Variants in NCAM2 observed in about 807,000 individuals in gnomAD.
NCAM2 encodes the protein neural cell adhesion molecule 2.
NCAM2 carries 30 observed loss-of-function variants against 98.1 expected under a neutral mutation model. The ratio of observed to expected loss-of-function variants is 0.31; its 90% CI spans 0.23 to 0.41. The LOEUF is 0.41. Ranked by LOEUF, NCAM2 falls within the 10% of genes least tolerant of loss-of-function variation. NCAM2 has a pLI of 1.00. For missense variants in NCAM2, 867 were observed against 1,005.8 expected, an observed-to-expected ratio of 0.86 and a Z score of 1.87; for synonymous variants, 368 against 342.4, an observed-to-expected ratio of 1.07 and a Z score of -0.83.
intron 1 of NCAM2, among the ~76,000 whole-genome samples, chr21:21,199,685 G>T (rs569843507): frequency 6.6e-6 from 1 of 152,158 alleles, no homozygotes; most frequent in Admixed American, 6.5e-5. Flanking sequence ...TAATATCTAC[G>T]TAAGAAATAC....
chr21:21,371,455 T>C (rs770590548), intron 8 of NCAM2, among the ~76,000 whole-genome samples: 1 of 151,828 alleles, frequency 6.6e-6, no homozygotes, highest in Admixed American at 6.6e-5. Context: ...CTTTTGTGTA[T>C]CTGCATTGAT....
chr21:21,030,044 G>A (rs1351181935), intron 1 of NCAM2, among the ~76,000 whole-genome samples: 4 of 152,018 alleles, frequency 2.6e-5, no homozygotes. Flanking sequence ...ATTATTCATG[G>A]TATTCAAATG....
chr21:21,536,974 CAAAAG>C (rs932672382), intron 17 of NCAM2, among the ~76,000 whole-genome samples: 142 of 152,084 alleles, frequency 9.3e-4, no homozygotes, highest in African/African-American at 3.3e-3. Context: ...TGAAAAGAGA[CAAAAG>C]AAAACATATA....
intron 1 of NCAM2, among the ~76,000 whole-genome samples, chr21:21,087,363 G>C (rs1181749822): frequency 1.3e-5 from 2 of 152,126 alleles, no homozygotes; most frequent in Non-Finnish European, 1.5e-5. Flanking sequence ...AAAAAGGTCT[G>C]AGTATTTTTC....
intron 1 of NCAM2, among the ~76,000 whole-genome samples, chr21:21,104,728 G>A (rs1000674751): frequency 1.2e-4 from 18 of 152,138 alleles, no homozygotes; most frequent in Non-Finnish European, 2.2e-4. Flanking sequence ...AGAGTCTTTA[G>A]TAATCTCTGC....
chr21:21,496,895 G>A (rs1987279779), intron 15 of NCAM2, among the ~76,000 whole-genome samples: 1 of 152,012 alleles, frequency 6.6e-6, no homozygotes, highest in African/African-American at 2.4e-5. Context: ...CCTTGTTGTA[G>A]GTGAGGTGGT....
In NCAM2 at chr21:21,340,457, G is replaced by C. The variant is rs1456181106; in HGVS notation, c.1044+1923G>C. On this transcript the variant is annotated intron_variant, in intron 8 of 17. Transcript: ENST00000400546. ...ACTACACACAGATACTTATTCTGTA[G>C]TAACTGTGAAAAATAATCTTAAAGC... Among the ~76,000 whole-genome samples, 8 of 151,906 alleles carry C rather than the reference G, an allele frequency of 5.3e-5. No individual in the cohort carries two copies. The East Asian group carries it at 1.5e-3, about 29-fold the overall frequency.
intron 6 of NCAM2, among the ~76,000 whole-genome samples, chr21:21,328,486 G>A (rs1601992644): frequency 6.6e-6 from 1 of 151,714 alleles, no homozygotes; most frequent in Non-Finnish European, 1.5e-5. Context: ...GCCCCCAAAA[G>A]ACCTTGTAGT....
intron 12 of NCAM2, among the ~76,000 whole-genome samples, chr21:21,432,491 A>G (rs1223735188): frequency 1.3e-5 from 2 of 151,698 alleles, no homozygotes. Flanking sequence ...AGCTTAGTAG[A>G]ATCAGCAGAG....
intron 1 of NCAM2, among the ~76,000 whole-genome samples, chr21:21,111,136 A>G (rs181483576): frequency 6.6e-6 from 1 of 152,312 alleles, no homozygotes; most frequent in African/African-American, 2.4e-5. Flanking sequence ...TACTTATGAG[A>G]AGGAAATAAA....
chr21:21,369,993 C>T lies in NCAM2; in HGVS notation c.1045-3870C>T, dbSNP rs547012607. Among the ~76,000 whole-genome samples, 58 of 151,744 alleles carry T rather than the reference C, an allele frequency of 3.8e-4. 1 individual carries two copies. The South Asian group carries it at 6.0e-3, about 16-fold the overall frequency. The stretch of plus-strand genomic sequence containing the variant: ...ACAGATTCTGCACTCTTTAACGACC[C>T]CAAGTTTGAGCTAATATGCTGCAGT... On this transcript the variant is annotated intron_variant, in intron 8 of 17. Coordinates refer to ENST00000400546, the MANE Select transcript of NCAM2 (RefSeq NM_004540.5).
intron 1 of NCAM2, among the ~76,000 whole-genome samples, chr21:21,133,863 A>G (rs985854799): frequency 2.0e-5 from 3 of 152,086 alleles, no homozygotes; most frequent in Non-Finnish European, 4.4e-5. Flanking sequence ...AGAGAAAACA[A>G]TCCATCAGAA....
chr21:21,166,365 G>A (rs1305653682), intron 1 of NCAM2, among the ~76,000 whole-genome samples: 6 of 152,060 alleles, frequency 3.9e-5, no homozygotes, highest in Non-Finnish European at 7.4e-5. Context: ...CCACCACCAC[G>A]CCCAGATAAT....
intron 12 of NCAM2, among the ~76,000 whole-genome samples, chr21:21,466,304 G>T (rs995660646): frequency 3.3e-5 from 5 of 151,772 alleles, no homozygotes; most frequent in Admixed American, 6.6e-5. Context: ...CATCATTCTT[G>T]GTTTTTGGAT....
Position 21,207,590 on chromosome 21 carries a change from A to G in NCAM2, c.56-72988A>G, listed in dbSNP as rs534584494. Among the ~76,000 whole-genome samples the G allele has an allele frequency of 4.2e-4, 64 of 152,224 alleles. No homozygotes were observed. The South Asian group carries it at 0.013, about 32-fold the overall frequency. ...TCCTGACTATTGGGAACAGGACACA[A>G]AGTTATTGATGGCTTATAAAAATCT... On this transcript the variant is annotated intron_variant, in intron 1 of 17. Coordinates refer to ENST00000400546, the MANE Select transcript of NCAM2 (RefSeq NM_004540.5).
At chr21:21,159,565 T>A (rs759714065) in intron 1 of NCAM2, among the ~76,000 whole-genome samples, 1 of 152,184 alleles carries the variant, frequency 6.6e-6, no homozygotes, top group Non-Finnish European at 1.5e-5. Flanking sequence ...GCCTCCAGTA[T>A]TTAGTATACT....
rs1249329689 is a variant in NCAM2, at chr21:21,541,607, T to C, written c.*3650T>C. ...TTTCTTGGGTCTTCATTATTCCATT[T>C]ATATATATTTTTTATTTCGAATAAT... On this transcript the variant is annotated 3_prime_UTR_variant, in exon 18 of 18. Transcript: ENST00000400546. 1.3e-5 allele frequency: 2 copies of C among 151,788 alleles called. No homozygotes were observed. The highest frequency in any genetic ancestry group is 3.0e-5 in the Non-Finnish European group (2 of 67,786). The allele number at this position is 151,788 out of a possible 1,614,324, so 9.4% of individuals were successfully genotyped here. A position where few individuals can be genotyped will look rare whatever the true frequency, so the allele number is the denominator to read the frequency against.
In NCAM2 at chr21:21,184,865, A is replaced by G. The variant is rs536008837; in HGVS notation, c.56-95713A>G. 5.9e-4 allele frequency among the ~76,000 whole-genome samples: 90 copies of G among 152,288 alleles called. 1 individual carries two copies. The South Asian group carries it at 0.012, about 20-fold the overall frequency. The stretch of plus-strand genomic sequence containing the variant: ...TTATTTTGAAAGTTGTTCACCAAAT[A>G]CTGTCATTTTAGCACTTCTGCAGCC... On this transcript the variant is annotated intron_variant, in intron 1 of 17. Coordinates refer to ENST00000400546, the MANE Select transcript of NCAM2 (RefSeq NM_004540.5).
At chr21:21,418,059 A>G (rs2077028857) in intron 10 of NCAM2, among the ~76,000 whole-genome samples, 1 of 152,064 alleles carries the variant, frequency 6.6e-6, no homozygotes, top group Admixed American at 6.5e-5. Context: ...TCCTGTTTTC[A>G]AGTTTACACC....
Sources: gnomAD v4.1 joint callset for allele counts (sites outside exome capture counted in the v4.1 genomes callset) on GRCh38, gnomAD v4.1.1 for gene constraint, MANE v1.5 for transcripts, NCBI Gene and HGNC (gene_info 2026-07-23, HGNC 2026-07-21) for gene names.